The following PRKCI variants were observed in gnomAD, a reference collection of about 807,000 sequenced individuals.
The protein encoded by PRKCI is protein kinase C iota.
In PRKCI, 43 loss-of-function variants were observed where a neutral mutation model predicts 84.0. The observed-to-expected ratio is 0.51, with a 90% CI of 0.40 to 0.66. The LOEUF (loss-of-function observed/expected upper bound fraction) is 0.66. PRKCI is among the 30% of genes least tolerant of loss of function. The pLI, the probability that PRKCI is intolerant of heterozygous loss-of-function variation, is 0.00. For synonymous variants in PRKCI, 216 were observed against 234.4 expected (o/e 0.92, Z 0.72); for missense variants, 459 against 745.6 (o/e 0.62, Z 4.48).
At chr3:170,272,240 A>G (rs1189138795) in intron 6 of PRKCI, among the ~76,000 whole-genome samples, 1 of 152,204 alleles carries the variant, frequency 6.6e-6, no homozygotes, top group African/African-American at 2.4e-5. Context: ...GCAGCTATCT[A>G]AGCACACTGC....
At chr3:170,301,141 G>A (rs1238657308) in intron 17 of PRKCI, among the ~76,000 whole-genome samples, 1 of 152,192 alleles carries the variant, frequency 6.6e-6, no homozygotes, top group African/African-American at 2.4e-5. Flanking sequence ...CCAAAAGCGT[G>A]CTGTCTACTA....
At chr3:170,298,934 T>C in intron 16 of PRKCI, 61 bp from the exon 17 acceptor site, 1 of 1,068,922 alleles carries the variant, frequency 9.4e-7, no homozygotes, top group East Asian at 2.4e-5. Flanking sequence ...AGAGGAGAAC[T>C]GTAGAGGTGG....
At position 170,246,036 on chromosome 3, in the gene PRKCI, C is replaced by G. The variant is rs571162629; in HGVS notation, c.223+10685C>G. On this transcript the variant is annotated intron_variant, in intron 2 of 17. Coordinates refer to ENST00000295797, the MANE Select transcript of PRKCI (RefSeq NM_002740.6). The stretch of plus-strand genomic sequence containing the variant: ...GTGGTGTGATCATGGCTCACTGCAG[C>G]CTACCTCTCAGGCTAAAGCAGTCCC... Among the ~76,000 whole-genome samples, 9 of 149,922 alleles carry G rather than the reference C, an allele frequency of 6.0e-5. 1 individual carries two copies. In the South Asian group the frequency reaches 6.3e-4, roughly 10 times the overall value.
chr3:170,284,686 T>G, intron 12 of PRKCI, 90 bp downstream of exon 12: 26 of 1,336,672 alleles, frequency 1.9e-5, no homozygotes, highest in Non-Finnish European at 2.7e-5. Context: ...AGGAAATGAT[T>G]ACTAATTTTG....
intron 12 of PRKCI, among the ~76,000 whole-genome samples, 181 bp downstream of exon 12, chr3:170,284,777 C>T (rs866212319): frequency 1.3e-5 from 2 of 152,106 alleles, no homozygotes; most frequent in Non-Finnish European, 2.9e-5. Context: ...TTTGTATCTT[C>T]TGTGTTATGT....
chr3:170,264,513 A>G (rs1297099436), intron 4 of PRKCI, among the ~76,000 whole-genome samples: 2 of 152,100 alleles, frequency 1.3e-5, no homozygotes, highest in African/African-American at 4.8e-5. Flanking sequence ...TACTGACCTC[A>G]GGTGATCCAC....
At chr3:170,224,984 A>C (rs1190206969) in intron 1 of PRKCI, among the ~76,000 whole-genome samples, 1 of 152,206 alleles carries the variant, frequency 6.6e-6, no homozygotes, top group African/African-American at 2.4e-5. Context: ...TTTGAGAAGA[A>C]ATCAAAGTCT....
In PRKCI at chr3:170,296,015, T is replaced by G. The variant is rs756002603; in HGVS notation, c.1497+25T>G. ...GGTATAAATTGTGTATAAGAATATT[T>G]TGTGATTTGTCTCTTTCTATATATA... On this transcript the variant is annotated intron_variant, in intron 15 of 17. Transcript: ENST00000295797. 1.2e-5 allele frequency: 17 copies of G among 1,366,328 alleles called. No individual in the cohort carries two copies. In the South Asian group the frequency reaches 2.3e-4, roughly 19 times the overall value. The allele number at this position is 1,366,328 out of a possible 1,614,324, so 84.6% of individuals were successfully genotyped here. A position where few individuals can be genotyped will look rare whatever the true frequency, so the allele number is the denominator to read the frequency against.
intron 1 of PRKCI, among the ~76,000 whole-genome samples, chr3:170,225,289 T>G (rs1732599989): frequency 6.6e-6 from 1 of 152,176 alleles, no homozygotes; most frequent in Non-Finnish European, 1.5e-5. Flanking sequence ...CCTCTGAAAT[T>G]AGATGTTAAG....
At chr3:170,289,867 G>C (rs1305286193) in intron 12 of PRKCI, among the ~76,000 whole-genome samples, 1 of 150,286 alleles carries the variant, frequency 6.7e-6, no homozygotes, top group Non-Finnish European at 1.5e-5. Context: ...AGCCGAGATC[G>C]CACCATTGCA....
At chr3:170,246,251 C>T (rs1301701160) in intron 2 of PRKCI, among the ~76,000 whole-genome samples, 1 of 152,136 alleles carries the variant, frequency 6.6e-6, no homozygotes, top group Non-Finnish European at 1.5e-5. Flanking sequence ...CTCCCGTGTT[C>T]AAGTGATTCT....
At chr3:170,234,280 C>T (rs1452509883) in intron 1 of PRKCI, among the ~76,000 whole-genome samples, 2 of 151,852 alleles carry the variant, frequency 1.3e-5, no homozygotes, top group East Asian at 3.9e-4. Flanking sequence ...ATCCATCTGC[C>T]TCAGGCTCCC....
At chr3:170,226,287 A>G (rs577185827) in intron 1 of PRKCI, among the ~76,000 whole-genome samples, 1 of 152,328 alleles carries the variant, frequency 6.6e-6, no homozygotes, top group South Asian at 2.1e-4. Flanking sequence ...CATCTTACTT[A>G]GATGCCTTTC....
chr3:170,279,688 T>TA (rs1734199188), intron 8 of PRKCI, among the ~76,000 whole-genome samples: 1 of 152,238 alleles, frequency 6.6e-6, no homozygotes, highest in Admixed American at 6.5e-5. Flanking sequence ...TTTCTGTCTA[T>TA]AGCATCCAAA....
intron 15 of PRKCI, 141 bp from the exon 16 acceptor site, chr3:170,297,163 G>A: frequency 1.5e-6 from 1 of 646,062 alleles, no homozygotes. Context: ...TTCTGGAGTT[G>A]TACTTTCTAG....
intron 2 of PRKCI, among the ~76,000 whole-genome samples, chr3:170,244,192 T>G (rs530810749): frequency 1.3e-3 from 195 of 152,312 alleles, no homozygotes; most frequent in Non-Finnish European, 2.1e-3. Context: ...TTTATGCTAA[T>G]GAGGTGGCTC....
In PRKCI at chr3:170,235,816, C is replaced by T. The variant is rs943136767; in HGVS notation, c.223+465C>T. On this transcript the variant is annotated intron_variant, in intron 2 of 17. Coordinates refer to ENST00000295797, the MANE Select transcript of PRKCI (RefSeq NM_002740.6). The stretch of plus-strand genomic sequence containing the variant: ...TCCTGACCTTATGATCTGCCCACCT[C>T]GGCCTCCCAAAGTGCTGGCATTGCA... 3.3e-5 allele frequency among the ~76,000 whole-genome samples: 5 copies of T among 152,166 alleles called. No individual in the cohort carries two copies. In the Middle Eastern group the frequency reaches 0.01, roughly 311 times the overall value.
At chr3:170,261,980 A>G (rs950410034) in intron 3 of PRKCI, among the ~76,000 whole-genome samples, 7 of 152,224 alleles carry the variant, frequency 4.6e-5, no homozygotes, top group Non-Finnish European at 8.8e-5. Context: ...GCCTTTTAAT[A>G]CTACATCACA....
At chr3:170,267,572 C>G (rs964208051) in intron 4 of PRKCI, among the ~76,000 whole-genome samples, 1 of 149,992 alleles carries the variant, frequency 6.7e-6, no homozygotes, top group African/African-American at 2.5e-5. Flanking sequence ...ACTTGGGAGG[C>G]TGAGGCAGGA....
Sources: gnomAD v4.1 joint callset for allele counts (sites outside exome capture counted in the v4.1 genomes callset) on GRCh38, gnomAD v4.1.1 for gene constraint, MANE v1.5 for transcripts, NCBI Gene and HGNC (gene_info 2026-07-23, HGNC 2026-07-21) for gene names.